Variants in TIAM2 observed in about 807,000 individuals in gnomAD.
TIAM2 encodes rho guanine nucleotide exchange factor TIAM2.
TIAM2 carries 80 observed loss-of-function variants against 152.9 expected under a neutral mutation model. The ratio of observed to expected loss-of-function variants is 0.52; its 90% CI spans 0.44 to 0.63. TIAM2 has a LOEUF of 0.63. Ranked by LOEUF, TIAM2 falls within the 30% of genes least tolerant of loss-of-function variation. The pLI, the probability that TIAM2 is intolerant of heterozygous loss-of-function variation, is 0.00. For missense variants in TIAM2, 1,965 were observed against 2,120.1 expected, an observed-to-expected ratio of 0.93 and a Z score of 1.44; for synonymous variants, 804 against 838.0, an observed-to-expected ratio of 0.96 and a Z score of 0.70.
chr6:155,215,877 G>A (rs1470796775), intron 15 of TIAM2, among the ~76,000 whole-genome samples: 1 of 151,436 alleles, frequency 6.6e-6, no homozygotes, highest in Non-Finnish European at 1.5e-5. Context: ...GTGTGATCTC[G>A]ACTCACTGCT....
chr6:155,137,149 G>C lies in TIAM2; in HGVS notation c.1195-28G>C, dbSNP rs557731571. 1.8e-5 allele frequency: 29 copies of C among 1,602,902 alleles called. No homozygotes were observed. The South Asian group carries it at 3.3e-4, about 18-fold the overall frequency. Reference sequence around the variant, plus strand: ...GATGCTTTGGATAGCCGTAAGCTCTGATGGGTGATCATGTGTGTTTCTCAC... The same window carrying C: ...GATGCTTTGGATAGCCGTAAGCTCTCATGGGTGATCATGTGTGTTTCTCAC... On this transcript the variant is annotated intron_variant, in intron 4 of 26. Coordinates refer to ENST00000682666, the MANE Select transcript of TIAM2 (RefSeq NM_012454.4).
chr6:155,091,008 G>T (rs1299861545), intron 2 of TIAM2, among the ~76,000 whole-genome samples: 1 of 152,160 alleles, frequency 6.6e-6, no homozygotes, highest in Non-Finnish European at 1.5e-5. Context: ...TCCCTGGACT[G>T]TTTGCCGTGT....
chr6:155,210,272 AT>A (rs1781689310), intron 14 of TIAM2, among the ~76,000 whole-genome samples: 1 of 150,322 alleles, frequency 6.7e-6, no homozygotes, highest in African/African-American at 2.4e-5. Flanking sequence ...CATTTTTATT[AT>A]TTTTATATTT....
At position 155,090,371 on chromosome 6, in the gene TIAM2, C is replaced by A. The variant is rs1778273868; in HGVS notation, c.-126C>A. 6.6e-6 allele frequency: 1 copy of A among 152,210 alleles called. No homozygotes were observed. Among genetic ancestry groups the A allele is most frequent in the Non-Finnish European group, 1.5e-5 (1 of 68,042 alleles). The allele number at this position is 152,210 out of a possible 1,614,324, so 9.4% of individuals were successfully genotyped here. On this transcript the variant is annotated 5_prime_UTR_variant, in exon 2 of 27. Coordinates refer to ENST00000682666, the MANE Select transcript of TIAM2 (RefSeq NM_012454.4). ...GATTACACTAAGTGTCCTCCACATT[C>A]CTCTGTGGGTAAGTTTGAGGCACTT... is the stretch of plus-strand genomic sequence containing the variant.
chr6:155,014,673 T>G (rs1043225315), intron 1 of TIAM2, among the ~76,000 whole-genome samples: 1 of 152,226 alleles, frequency 6.6e-6, no homozygotes, highest in Non-Finnish European at 1.5e-5. Flanking sequence ...TGTGAGTTCT[T>G]GTCATTTTAT....
At chr6:155,239,753 C>T in intron 15 of TIAM2, among the ~76,000 whole-genome samples, 1 of 152,188 alleles carries the variant, frequency 6.6e-6, no homozygotes, top group Non-Finnish European at 1.5e-5. Context: ...CTGGCCCTGG[C>T]TCCCTGCTAA....
At chr6:155,216,300 T>C (rs1043532526) in intron 15 of TIAM2, among the ~76,000 whole-genome samples, 1 of 152,030 alleles carries the variant, frequency 6.6e-6, no homozygotes, top group African/African-American at 2.4e-5. Context: ...TTCTCAGGGG[T>C]CATTAACTTC....
chr6:155,102,270 G>A (rs1212153251), intron 2 of TIAM2, among the ~76,000 whole-genome samples: 1 of 152,202 alleles, frequency 6.6e-6, no homozygotes, highest in Admixed American at 6.5e-5. Flanking sequence ...GATTACAGGT[G>A]TGAATCACTG....
chr6:155,038,112 G>A (rs1776956171), intron 1 of TIAM2, among the ~76,000 whole-genome samples: 2 of 152,144 alleles, frequency 1.3e-5, no homozygotes, highest in Admixed American at 1.3e-4. Context: ...ACAAATCATG[G>A]TGTGGAACTT....
intron 14 of TIAM2, among the ~76,000 whole-genome samples, chr6:155,208,573 T>A (rs1366131251): frequency 6.6e-6 from 1 of 152,174 alleles, no homozygotes; most frequent in Non-Finnish European, 1.5e-5. Context: ...AGACTCAGCA[T>A]TGCAGAAGCT....
intron 1 of TIAM2, among the ~76,000 whole-genome samples, chr6:155,002,604 A>C (rs577720082): frequency 6.6e-6 from 1 of 152,038 alleles, no homozygotes; most frequent in South Asian, 2.1e-4. Flanking sequence ...GTCTATATCA[A>C]TTGTTGCATT....
At chr6:155,015,887 A>G (rs944967118) in intron 1 of TIAM2, among the ~76,000 whole-genome samples, 2 of 148,478 alleles carry the variant, frequency 1.3e-5, no homozygotes, top group Non-Finnish European at 3.0e-5. Context: ...CAGTGAGCCA[A>G]GATGGCACCA....
chr6:155,194,145 G>A (rs995623655), intron 14 of TIAM2, among the ~76,000 whole-genome samples: 16 of 152,314 alleles, frequency 1.1e-4, no homozygotes, highest in African/African-American at 3.8e-4. Context: ...GGAATGAGAA[G>A]GTAGATGAGG....
At chr6:155,238,920 G>A (rs1422285674) in intron 15 of TIAM2, among the ~76,000 whole-genome samples, 1 of 152,190 alleles carries the variant, frequency 6.6e-6, no homozygotes, top group Non-Finnish European at 1.5e-5. Flanking sequence ...GAGTTTTAAT[G>A]TGGATTGTAT....
At chr6:155,062,756 G>A (rs1382780919) in intron 1 of TIAM2, among the ~76,000 whole-genome samples, 1 of 151,670 alleles carries the variant, frequency 6.6e-6, no homozygotes, top group Non-Finnish European at 1.5e-5. Flanking sequence ...TGTGTTTTTA[G>A]TTGAGACGGG....
Position 155,177,057 on chromosome 6 carries a change from G to A in TIAM2, c.2523+80G>A, listed in dbSNP as rs558475102. ...GCAATCTTATGCCTTCTAAATTCATGTGATATTCAAGGGCCCAGTTTCCAT... is the reference window on the plus strand; with the variant it reads ...GCAATCTTATGCCTTCTAAATTCATATGATATTCAAGGGCCCAGTTTCCAT... On this transcript the variant is annotated intron_variant, in intron 10 of 26. Transcript: ENST00000682666. The A allele has an allele frequency of 4.8e-6, 7 of 1,447,672 alleles. No homozygotes were observed. In the Admixed American group the frequency reaches 1.3e-4, roughly 27 times the overall value. The allele number at this position is 1,447,672 out of a possible 1,614,324, so 89.7% of individuals were successfully genotyped here. A position where few individuals can be genotyped will look rare whatever the true frequency, so the allele number is the denominator to read the frequency against.
Position 155,148,199 on chromosome 6 carries a change from C to A in TIAM2, c.1893C>A (p.Asp631Glu). 6.2e-7 allele frequency: 1 copy of A among 1,613,432 alleles called. No individual in the cohort carries two copies. Among genetic ancestry groups the A allele is most frequent in the Non-Finnish European group, 8.5e-7 (1 of 1,180,022 alleles). The change falls in exon 7 of 27, where the codon GAC becomes GAA. Residue 631 changes from aspartate (D) to glutamate (E), a missense_variant. By Grantham distance (45) the Asp-to-Glu change is conservative (BLOSUM62 2). This residue lies in a region of TIAM2 where 1,025 missense variants were observed against 1,119.4 expected (regional missense o/e 0.92). Transcript: ENST00000682666. ...SLFAKKHGKE[D>E]TLRLLKNQTK... The stretch of plus-strand genomic sequence containing the variant: ...TTGCAAAGAAGCATGGGAAAGAGGA[C>A]ACGCTGCGGCTGCTGAAGAACCAGA...
chr6:155,007,872 G>A (rs758784339), intron 1 of TIAM2, among the ~76,000 whole-genome samples: 75 of 152,188 alleles, frequency 4.9e-4, no homozygotes, highest in Non-Finnish European at 9.7e-4. Context: ...GGTGTGTGTC[G>A]AGAAGAGAAT....
chr6:155,099,765 A>G (rs1303297862), intron 2 of TIAM2, among the ~76,000 whole-genome samples: 3 of 152,226 alleles, frequency 2.0e-5, no homozygotes, highest in African/African-American at 4.8e-5. Context: ...TCACTTGACA[A>G]TGGGGAAAGT....
Sources: allele counts gnomAD v4.1 joint callset (sites outside exome capture counted in the v4.1 genomes callset), GRCh38; gene constraint gnomAD v4.1.1; regional missense constraint gnomAD v4.1.1; transcripts MANE v1.5; gene names NCBI Gene and HGNC (gene_info 2026-07-23, HGNC 2026-07-21).